The following RPTOR variants were observed in gnomAD, a reference collection of about 807,000 sequenced individuals.
The protein encoded by RPTOR is regulatory-associated protein of mTOR.
In RPTOR, 21 loss-of-function variants were observed where a neutral mutation model predicts 169.9. That is an observed-to-expected ratio of 0.12 (90% CI 0.09 to 0.18). The LOEUF is 0.18. Ranked by LOEUF, RPTOR falls within the 10% of genes least tolerant of loss-of-function variation. RPTOR has a pLI of 1.00. For synonymous variants in RPTOR, 732 were observed against 753.2 expected (o/e 0.97, Z 0.46); for missense variants, 1,133 against 1,855.9 (o/e 0.61, Z 7.16).
intron 16 of RPTOR, 120 bp downstream of exon 16, chr17:80,884,092 G>A (rs550230494): frequency 1.2e-5 from 11 of 943,774 alleles, no homozygotes; most frequent in East Asian, 5.3e-5. Context: ...GGGGCTGCAC[G>A]CTAATAAGAG....
intron 3 of RPTOR, among the ~76,000 whole-genome samples, chr17:80,660,441 G>T (rs1598199635): frequency 1.3e-5 from 2 of 152,010 alleles, no homozygotes; most frequent in South Asian, 4.1e-4. Flanking sequence ...GTGATGGATC[G>T]TACAACCTTT....
chr17:80,932,451 ACT>A (rs2068909642), intron 24 of RPTOR, among the ~76,000 whole-genome samples: 1 of 152,218 alleles, frequency 6.6e-6, no homozygotes, highest in Non-Finnish European at 1.5e-5. Context: ...AGATGTTGGA[ACT>A]ATCAGAGATG....
At chr17:80,946,971 A>G (rs2069111463) in intron 26 of RPTOR, among the ~76,000 whole-genome samples, 1 of 152,054 alleles carries the variant, frequency 6.6e-6, no homozygotes, top group Admixed American at 6.5e-5. Flanking sequence ...CCTTGCCAGC[A>G]CTATTATTCT....
chr17:80,951,130 G>C (rs745355473), intron 28 of RPTOR, among the ~76,000 whole-genome samples: 2 of 151,092 alleles, frequency 1.3e-5, no homozygotes, highest in South Asian at 4.2e-4. Context: ...GCATCCACAC[G>C]TCCACACCCG....
At chr17:80,575,976 C>T (rs1404944690) in intron 1 of RPTOR, among the ~76,000 whole-genome samples, 4 of 152,074 alleles carry the variant, frequency 2.6e-5, no homozygotes, top group Non-Finnish European at 5.9e-5. Context: ...ACTCTTTATC[C>T]CTAATAAAAC....
intron 13 of RPTOR, among the ~76,000 whole-genome samples, chr17:80,877,087 G>T (rs543349033): frequency 9.2e-5 from 14 of 152,056 alleles, no homozygotes; most frequent in Non-Finnish European, 1.6e-4. Context: ...CACTGAGCCC[G>T]TGCCACGCAG....
At chr17:80,626,718 GTTT>G (rs34961841) in intron 2 of RPTOR, among the ~76,000 whole-genome samples, 1 of 138,662 alleles carries the variant, frequency 7.2e-6, no homozygotes, top group Non-Finnish European at 1.5e-5. Flanking sequence ...TCCAGAGACT[GTTT>G]TTTTTTTTTT....
At chr17:80,623,494 T>A (rs2143525940) in intron 1 of RPTOR, among the ~76,000 whole-genome samples, 1 of 152,266 alleles carries the variant, frequency 6.6e-6, no homozygotes, top group African/African-American at 2.4e-5. Flanking sequence ...CAAATCAGAG[T>A]AATTGAGATA....
chr17:80,924,397 G>A (rs189996882), intron 23 of RPTOR, among the ~76,000 whole-genome samples: 14 of 152,230 alleles, frequency 9.2e-5, no homozygotes, highest in Admixed American at 3.9e-4. Flanking sequence ...TCCGGGGCTC[G>A]CTTGGTAATC....
chr17:80,866,983 T>A (rs1201351485), intron 13 of RPTOR, among the ~76,000 whole-genome samples: 1 of 152,212 alleles, frequency 6.6e-6, no homozygotes, highest in Non-Finnish European at 1.5e-5. Context: ...CGTATTTGGA[T>A]GACATCTAAG....
At chr17:80,907,057 C>T (rs2068552472) in intron 20 of RPTOR, among the ~76,000 whole-genome samples, 1 of 152,212 alleles carries the variant, frequency 6.6e-6, no homozygotes, top group Non-Finnish European at 1.5e-5. Context: ...CACACATTGA[C>T]TTTCGCACCC....
rs1173002260 is a variant in RPTOR, at chr17:80,821,215, T to G, written c.891-986T>G. On this transcript the variant is annotated intron_variant, in intron 7 of 33. Transcript: ENST00000306801. ...GGGAGGATCCCTTGAGCCTAGGAGT[T>G]CAAGAGCGGCCTGGGCAACACAGTG... Among the ~76,000 whole-genome samples the G allele has an allele frequency of 2.0e-5, 3 of 152,164 alleles. No homozygotes were observed. The South Asian group carries it at 6.2e-4, about 32-fold the overall frequency.
chr17:80,697,672 G>A (rs1437903116), intron 3 of RPTOR, among the ~76,000 whole-genome samples: 2 of 152,254 alleles, frequency 1.3e-5, no homozygotes, highest in Admixed American at 1.3e-4. Context: ...GGAGTCATGA[G>A]AGATTAGCCA....
rs186717347 is a variant in RPTOR, at chr17:80,633,849, C to T, written c.265+8056C>T. On this transcript the variant is annotated intron_variant, in intron 2 of 33. Coordinates refer to ENST00000306801, the MANE Select transcript of RPTOR (RefSeq NM_020761.3). This position sits in a 1 kb window ranked among gnomAD's most constrained non-coding sequence, Gnocchi z 4.1. Reference sequence around the variant, plus strand: ...TGTCTCCCTCTGGTTGTTGGGAACCCATTGGGCCGGCTTCTTTGGCTTCTG... The same window carrying T: ...TGTCTCCCTCTGGTTGTTGGGAACCTATTGGGCCGGCTTCTTTGGCTTCTG... 5.2e-3 allele frequency among the ~76,000 whole-genome samples: 790 copies of T among 152,246 alleles called. 4 individuals carry two copies. The highest frequency in any genetic ancestry group is 7.2e-3 in the Non-Finnish European group (489 of 68,010).
At chr17:80,904,065 C>T (rs1443431406) in intron 20 of RPTOR, among the ~76,000 whole-genome samples, 3 of 152,240 alleles carry the variant, frequency 2.0e-5, no homozygotes, top group South Asian at 2.1e-4. Context: ...ACGATGCAGA[C>T]GCACCGCCCA....
chr17:80,582,090 G>A (rs2065019692), intron 1 of RPTOR, among the ~76,000 whole-genome samples: 1 of 152,186 alleles, frequency 6.6e-6, no homozygotes, highest in Admixed American at 6.5e-5. Flanking sequence ...ACTGCCATGG[G>A]ACAAACAGCC....
intron 13 of RPTOR, among the ~76,000 whole-genome samples, chr17:80,877,206 G>A (rs974072498): frequency 2.6e-5 from 4 of 152,252 alleles, no homozygotes; most frequent in South Asian, 2.1e-4. Flanking sequence ...TAATTTGGGC[G>A]AGTGAGCAGC....
chr17:80,658,118 A>C (rs149526479), intron 3 of RPTOR, among the ~76,000 whole-genome samples: 163 of 152,316 alleles, frequency 1.1e-3, no homozygotes, highest in African/African-American at 3.8e-3. Context: ...CATGGTGTCA[A>C]CATCATGGGG....
chr17:80,912,760 G>A (rs2068628026), intron 21 of RPTOR, among the ~76,000 whole-genome samples: 1 of 152,214 alleles, frequency 6.6e-6, no homozygotes, highest in Non-Finnish European at 1.5e-5. Flanking sequence ...CATGTTAGCA[G>A]GTTATAGCAA....
Sources: gnomAD v4.1 joint callset for allele counts (sites outside exome capture counted in the v4.1 genomes callset) on GRCh38, gnomAD v4.1.1 for gene constraint, Gnocchi (gnomAD v3.1) non-coding constraint, MANE v1.5 for transcripts, NCBI Gene and HGNC (gene_info 2026-07-23, HGNC 2026-07-21) for gene names.